PLAAT5: variants seen among roughly 807,000 people sequenced by gnomAD.
The protein encoded by PLAAT5 is phospholipase A and acyltransferase 5.
PLAAT5 carries 27 observed loss-of-function variants against 27.8 expected under a neutral mutation model. The observed-to-expected ratio is 0.97, with a 90% confidence interval of 0.72 to 1.34. The LOEUF is 1.34. Among genes scored for constraint, PLAAT5 ranks in the 40% most tolerant of loss-of-function variants. The pLI is 0.00. For missense variants in PLAAT5, 368 were observed against 343.8 expected, an observed-to-expected ratio of 1.07 and a Z score of -0.56; for synonymous variants, 125 against 136.1, an observed-to-expected ratio of 0.92 and a Z score of 0.57.
Position 63,463,523 on chromosome 11 carries a change from G to T in PLAAT5, c.790C>A (p.Pro264Thr), listed in dbSNP as rs2120195070. The change falls in exon 6 of 6, where the codon CCC (proline) becomes ACC (threonine). Residue 264 changes from proline (P) to threonine (T), a missense_variant. Physicochemically the swap from Pro to Thr is conservative, Grantham distance 38. Coordinates refer to ENST00000540857, the MANE Select transcript of PLAAT5 (RefSeq NM_001146729.2). ...CACCTTCAGGCAGTTATTGGTTTGG[G>T]CTTTATGCTATCCACTACAGCTGAA... ...VISAVVDSIKPKPITA is the reference protein window; with the variant it reads ...VISAVVDSIKTKPITA 6.2e-7 allele frequency: 1 copy of T among 1,613,570 alleles called. No homozygotes were observed. Among genetic ancestry groups the T allele is most frequent in the East Asian group, 2.2e-5 (1 of 44,876 alleles).
chr11:63,467,212 A>T (rs753582010), intron 4 of PLAAT5, among the ~76,000 whole-genome samples: 26 of 152,244 alleles, frequency 1.7e-4, no homozygotes, highest in Non-Finnish European at 3.2e-4. Flanking sequence ...GGCAATAGAT[A>T]ATTCAGCATT....
At chr11:63,472,974 G>A (rs1399266578) in intron 3 of PLAAT5, among the ~76,000 whole-genome samples, 1 of 152,054 alleles carries the variant, frequency 6.6e-6, no homozygotes, top group Non-Finnish European at 1.5e-5. Context: ...GCCAGGAGTG[G>A]TGGCACACGC....
chr11:63,468,827 G>A (rs940591116), intron 3 of PLAAT5, among the ~76,000 whole-genome samples: 1 of 152,124 alleles, frequency 6.6e-6, no homozygotes, highest in Non-Finnish European at 1.5e-5. Context: ...GCTTTCTCTT[G>A]TACTGCAAGA....
intron 3 of PLAAT5, among the ~76,000 whole-genome samples, chr11:63,473,733 G>A (rs563994696): frequency 7.0e-6 from 1 of 142,734 alleles, no homozygotes; most frequent in African/African-American, 2.7e-5. Flanking sequence ...GGTTTTTTGA[G>A]AGGAAGTCTA....
Position 63,488,908 on chromosome 11 carries a change from G to C in PLAAT5, c.308C>G (p.Pro103Arg). 1 of 1,613,706 alleles carries C rather than the reference G, an allele frequency of 6.2e-7. No homozygotes were observed. Residue 103 changes from proline to arginine, a missense_variant, in exon 3 of 6, where the codon CCT (proline) becomes CGT (arginine). Physicochemically the swap from Pro to Arg is moderately radical, Grantham distance 103. Transcript: ENST00000540857. ...QKADWSSIPK[P>R]ENEGKLIKQA... ...CTTTATTAACTTGCCTTCATTCTCA[G>C]GCTTTGGAATTGAACTCCAGTCTGC...
chr11:63,477,742 G>A (rs1309699896), intron 3 of PLAAT5, among the ~76,000 whole-genome samples: 3 of 152,150 alleles, frequency 2.0e-5, no homozygotes, highest in African/African-American at 7.2e-5. Flanking sequence ...CAAAGTGCTG[G>A]GATTACAGGC....
chr11:63,486,806 T>G (rs1015139571), intron 3 of PLAAT5, among the ~76,000 whole-genome samples: 2 of 152,018 alleles, frequency 1.3e-5, no homozygotes, highest in South Asian at 4.1e-4. Context: ...CCAAAACTAT[T>G]GAAATAAAAA....
At chr11:63,463,728 G>T in intron 5 of PLAAT5, 133 bp from the exon 6 acceptor site, 1 of 681,682 alleles carries the variant, frequency 1.5e-6, no homozygotes, top group South Asian at 1.7e-5. Flanking sequence ...AGCAGTCCAT[G>T]CTATCTTATA....
chr11:63,477,618 G>A (rs781440109), intron 3 of PLAAT5, among the ~76,000 whole-genome samples: 1 of 152,048 alleles, frequency 6.6e-6, no homozygotes, highest in Non-Finnish European at 1.5e-5. Flanking sequence ...TGAGATTACA[G>A]GTGCCTGCCA....
chr11:63,468,163 C>T (rs2015913995), intron 4 of PLAAT5, among the ~76,000 whole-genome samples, 194 bp downstream of exon 4: 1 of 152,226 alleles, frequency 6.6e-6, no homozygotes, highest in South Asian at 2.1e-4. Context: ...TTGTATCACT[C>T]TTAGGCCTGG....
chr11:63,490,730 C>T (rs574263978), intron 1 of PLAAT5, among the ~76,000 whole-genome samples, 157 bp downstream of exon 1: 136 of 152,326 alleles, frequency 8.9e-4, no homozygotes, highest in African/African-American at 3.2e-3. Flanking sequence ...CTTTGATTAG[C>T]TTTATAACAA....
chr11:63,466,450 C>G, intron 4 of PLAAT5, 78 bp from the exon 5 acceptor site: 1 of 1,430,514 alleles, frequency 7.0e-7, no homozygotes, highest in Non-Finnish European at 9.5e-7. Context: ...TCTGAGTAAG[C>G]TGCTTCCCCT....
chr11:63,477,683 G>A (rs575108533), intron 3 of PLAAT5, among the ~76,000 whole-genome samples: 11 of 152,032 alleles, frequency 7.2e-5, no homozygotes, highest in Admixed American at 4.6e-4. Context: ...CCATGTTGGC[G>A]AGGCTGGTCT....
At chr11:63,486,836 A>G (rs1406086843) in intron 3 of PLAAT5, among the ~76,000 whole-genome samples, 1 of 152,242 alleles carries the variant, frequency 6.6e-6, no homozygotes, top group Non-Finnish European at 1.5e-5. Context: ...AAATGTATCA[A>G]ATATGTAAAT....
chr11:63,487,142 A>C (rs1475086656), intron 3 of PLAAT5, among the ~76,000 whole-genome samples: 1 of 152,190 alleles, frequency 6.6e-6, no homozygotes, highest in African/African-American at 2.4e-5. Context: ...AAATTTAAGA[A>C]CCTGTTCTGA....
At chr11:63,463,882 C>T (rs1172034779) in intron 5 of PLAAT5, among the ~76,000 whole-genome samples, 5 of 152,192 alleles carry the variant, frequency 3.3e-5, no homozygotes, top group Non-Finnish European at 7.3e-5. Context: ...AGCACCACAG[C>T]CACTGAGGCC....
intron 3 of PLAAT5, among the ~76,000 whole-genome samples, chr11:63,485,684 A>G (rs1246864606): frequency 6.6e-6 from 1 of 152,220 alleles, no homozygotes; most frequent in African/African-American, 2.4e-5. Flanking sequence ...AGAAGATAAC[A>G]TCAGAAAAAC....
intron 3 of PLAAT5, among the ~76,000 whole-genome samples, chr11:63,468,931 C>A (rs1340146924): frequency 1.3e-5 from 2 of 151,754 alleles, no homozygotes; most frequent in African/African-American, 4.8e-5. Flanking sequence ...TACCTCAGAC[C>A]CAGGATCCTC....
chr11:63,471,502 C>T (rs2016023994), intron 3 of PLAAT5, among the ~76,000 whole-genome samples: 1 of 152,096 alleles, frequency 6.6e-6, no homozygotes, highest in South Asian at 2.1e-4. Flanking sequence ...ATGATAGATT[C>T]TTTTTCATTA....
Sources: gnomAD v4.1 joint callset for allele counts (sites outside exome capture counted in the v4.1 genomes callset) on GRCh38, gnomAD v4.1.1 for gene constraint, MANE v1.5 for transcripts, NCBI Gene and HGNC (gene_info 2026-07-23, HGNC 2026-07-21) for gene names.